The following CDKAL1 variants were observed in gnomAD, a reference collection of about 807,000 sequenced individuals.
CDKAL1 encodes the protein CDKAL1 threonylcarbamoyladenosine tRNA methylthiotransferase.
A neutral mutation model predicts 68.2 loss-of-function variants in CDKAL1; 32 were observed. That is an observed-to-expected ratio of 0.47 (90% CI 0.35 to 0.63). The LOEUF (loss-of-function observed/expected upper bound fraction) is 0.63. Among genes scored for constraint, CDKAL1 ranks in the 30% least tolerant of loss-of-function variants. The pLI is 0.00. For synonymous variants in CDKAL1, 234 were observed against 244.3 expected, an observed-to-expected ratio of 0.96 and a Z score of 0.39; for missense variants, 606 against 696.7, an observed-to-expected ratio of 0.87 and a Z score of 1.47.
intron 4 of CDKAL1, among the ~76,000 whole-genome samples, chr6:20,609,266 TCCTCCTTCTCC>T (rs1338588453): frequency 6.9e-6 from 1 of 144,994 alleles, no homozygotes; most frequent in East Asian, 2.0e-4. Flanking sequence ...CCTTCCTTCC[TCCTCCTTCTCC>T]TCCTTCTCCT....
chr6:20,835,217 G>A (rs1467808457), intron 8 of CDKAL1, among the ~76,000 whole-genome samples: 1 of 152,138 alleles, frequency 6.6e-6, no homozygotes, highest in Non-Finnish European at 1.5e-5. Flanking sequence ...ATGTTTCACA[G>A]ATGTATTCAT....
At chr6:20,731,738 T>C (rs1369414490) in intron 5 of CDKAL1, among the ~76,000 whole-genome samples, 1 of 152,202 alleles carries the variant, frequency 6.6e-6, no homozygotes, top group Non-Finnish European at 1.5e-5. Flanking sequence ...AAATAGGCGT[T>C]GACAGTAATT....
intron 10 of CDKAL1, among the ~76,000 whole-genome samples, chr6:20,984,800 G>GCT (rs1766354417): frequency 9.7e-6 from 1 of 102,922 alleles, no homozygotes; most frequent in African/African-American, 3.8e-5. Context: ...GGGTTTTTAT[G>GCT]GGCACAGTAA....
intron 5 of CDKAL1, among the ~76,000 whole-genome samples, chr6:20,711,046 G>A (rs950333956): frequency 1.3e-5 from 2 of 152,062 alleles, no homozygotes; most frequent in African/African-American, 2.4e-5. Flanking sequence ...GGAATTGAGC[G>A]ACATATATCA....
At chr6:20,561,907 T>C (rs757535004) in intron 4 of CDKAL1, among the ~76,000 whole-genome samples, 10 of 152,216 alleles carry the variant, frequency 6.6e-5, no homozygotes, top group Non-Finnish European at 1.2e-4. Flanking sequence ...AAGTCCAGTC[T>C]GCATAGTCTT....
At chr6:20,798,269 G>T (rs1026051085) in intron 8 of CDKAL1, among the ~76,000 whole-genome samples, 7 of 152,080 alleles carry the variant, frequency 4.6e-5, no homozygotes, top group African/African-American at 1.4e-4. Flanking sequence ...TAGGGTAAAA[G>T]AACTCTTCTG....
intron 4 of CDKAL1, among the ~76,000 whole-genome samples, chr6:20,648,270 G>T (rs1768577791): frequency 6.6e-6 from 1 of 151,404 alleles, no homozygotes. Context: ...TGAGAGTACA[G>T]GCATGCCCGC....
chr6:20,922,865 A>G (rs1763020137), intron 9 of CDKAL1, among the ~76,000 whole-genome samples: 2 of 152,244 alleles, frequency 1.3e-5, no homozygotes, highest in African/African-American at 2.4e-5. Flanking sequence ...CTGCATCTGT[A>G]TATCCTTTGA....
At chr6:20,694,166 A>G (rs567272938) in intron 5 of CDKAL1, among the ~76,000 whole-genome samples, 2 of 151,372 alleles carry the variant, frequency 1.3e-5, no homozygotes, top group Non-Finnish European at 2.9e-5. Context: ...TTTTATAACT[A>G]TCTTTATAAA....
intron 9 of CDKAL1, among the ~76,000 whole-genome samples, chr6:20,855,400 A>T (rs924945505): frequency 1.2e-4 from 17 of 143,676 alleles, no homozygotes; most frequent in Non-Finnish European, 2.0e-4. Context: ...CCAAGATAGC[A>T]CCATGGCACT....
intron 5 of CDKAL1, among the ~76,000 whole-genome samples, chr6:20,694,184 A>ACAAACAAACAAACAAG (rs548629656): frequency 6.6e-6 from 1 of 152,080 alleles, no homozygotes. Flanking sequence ...AAACAAACAA[A>ACAAACAAACAAACAAG]CAAACAAACA....
intron 12 of CDKAL1, among the ~76,000 whole-genome samples, chr6:21,096,302 T>C (rs1280777680): frequency 1.3e-5 from 2 of 152,194 alleles, no homozygotes; most frequent in Non-Finnish European, 2.9e-5. Context: ...CCATTCTTTT[T>C]TCATCACTTT....
At chr6:20,785,954 A>G (rs1775653552) in intron 8 of CDKAL1, among the ~76,000 whole-genome samples, 1 of 152,134 alleles carries the variant, frequency 6.6e-6, no homozygotes, top group Admixed American at 6.5e-5. Context: ...GGTGCAGTGG[A>G]TCATGCCTGT....
chr6:20,756,862 T>A (rs1311740431), intron 6 of CDKAL1: 2 of 43,562 alleles, frequency 4.6e-5, no homozygotes, highest in Admixed American at 4.9e-4. Flanking sequence ...TCCCCTTCCT[T>A]CCTTCCTTCC....
intron 4 of CDKAL1, among the ~76,000 whole-genome samples, chr6:20,644,492 A>G (rs6933165): frequency 0.23 from 35,034 of 151,868 alleles, 4,391 homozygotes; most frequent in African/African-American, 0.3. Flanking sequence ...CCTGGCTAAC[A>G]TGGTGAAACC....
chr6:21,216,888 C>G (rs1779355538), intron 15 of CDKAL1, among the ~76,000 whole-genome samples: 3 of 152,174 alleles, frequency 2.0e-5, no homozygotes, highest in Admixed American at 2.0e-4. Flanking sequence ...GGGTGCCATA[C>G]CTAGGAGTGG....
chr6:20,577,011 A>T (rs1764942061), intron 4 of CDKAL1, among the ~76,000 whole-genome samples: 1 of 152,088 alleles, frequency 6.6e-6, no homozygotes, highest in Admixed American at 6.6e-5. Flanking sequence ...GTGTATTTTG[A>T]AATCTTGGTA....
intron 4 of CDKAL1, among the ~76,000 whole-genome samples, chr6:20,633,271 T>G (rs1767753619): frequency 6.6e-6 from 1 of 152,220 alleles, no homozygotes; most frequent in Non-Finnish European, 1.5e-5. Context: ...GGACATGCGT[T>G]TGAGGTAGAA....
At chr6:20,840,061 A>G (rs1375842832) in intron 8 of CDKAL1, among the ~76,000 whole-genome samples, 1 of 152,192 alleles carries the variant, frequency 6.6e-6, no homozygotes, top group Non-Finnish European at 1.5e-5. Flanking sequence ...AATTGGTGAT[A>G]AAGGAAATTC....
Sources: allele counts gnomAD v4.1 joint callset (sites outside exome capture counted in the v4.1 genomes callset), GRCh38; gene constraint gnomAD v4.1.1; transcripts MANE v1.5; gene names NCBI Gene and HGNC (gene_info 2026-07-23, HGNC 2026-07-21).